HS6ST3: variants seen among roughly 807,000 people sequenced by gnomAD.
The protein encoded by HS6ST3 is heparan sulfate 6-O-sulfotransferase 3.
HS6ST3 carries 12 observed loss-of-function variants against 36.7 expected under a neutral mutation model. The ratio of observed to expected loss-of-function variants is 0.33; its 90% CI spans 0.21 to 0.53. The LOEUF (loss-of-function observed/expected upper bound fraction) is 0.53. HS6ST3 is among the 20% of genes least tolerant of loss of function. The probability of loss-of-function intolerance (pLI) is 0.95; values close to 1 mark genes in which losing one functional copy is unlikely to be tolerated. For missense variants in HS6ST3, 584 were observed against 640.9 expected (o/e 0.91, Z 0.96); for synonymous variants, 240 against 257.5 (o/e 0.93, Z 0.65).
intron 1 of HS6ST3, among the ~76,000 whole-genome samples, chr13:96,232,291 A>G (rs1004436155): frequency 2.8e-4 from 42 of 147,446 alleles, no homozygotes; most frequent in African/African-American, 9.2e-4. Flanking sequence ...TGAGGATCAG[A>G]GAAAGACAAA....
chr13:96,510,464 G>A (rs559240556), intron 1 of HS6ST3, among the ~76,000 whole-genome samples: 1 of 152,240 alleles, frequency 6.6e-6, no homozygotes, highest in African/African-American at 2.4e-5. Context: ...CTTCCAGCCT[G>A]GTGCTGGGGA....
chr13:96,158,240 C>T (rs2054119311), intron 1 of HS6ST3, among the ~76,000 whole-genome samples: 1 of 152,022 alleles, frequency 6.6e-6, no homozygotes, highest in Non-Finnish European at 1.5e-5. Context: ...AGTGCTAAGA[C>T]ATGAGGCTGT....
chr13:96,141,207 C>T (rs760561736), intron 1 of HS6ST3, among the ~76,000 whole-genome samples: 8 of 152,298 alleles, frequency 5.3e-5, no homozygotes, highest in Admixed American at 3.3e-4. Flanking sequence ...AGCTCGAAAC[C>T]TTGAAGGAAA....
At chr13:96,264,070 G>A (rs1028841584) in intron 1 of HS6ST3, among the ~76,000 whole-genome samples, 5 of 152,202 alleles carry the variant, frequency 3.3e-5, no homozygotes, top group Non-Finnish European at 7.3e-5. Flanking sequence ...AGGTATATGA[G>A]AATGTTGGAG....
intron 1 of HS6ST3, among the ~76,000 whole-genome samples, chr13:96,093,745 T>C (rs893870812): frequency 6.6e-6 from 1 of 152,086 alleles, no homozygotes; most frequent in Non-Finnish European, 1.5e-5. Context: ...TCAAAAGCTA[T>C]AGGGAAAAAG....
At chr13:96,812,956 C>G (rs565758048) in intron 1 of HS6ST3, among the ~76,000 whole-genome samples, 25 of 152,240 alleles carry the variant, frequency 1.6e-4, no homozygotes, top group African/African-American at 5.5e-4. Flanking sequence ...ATCATGAGAG[C>G]GTCTGAGGAC....
At chr13:96,656,955 TTGTG>T (rs754838881) in intron 1 of HS6ST3, among the ~76,000 whole-genome samples, 1,248 of 122,204 alleles carry the variant, frequency 0.01, 10 homozygotes, top group African/African-American at 0.015. Flanking sequence ...GGCTTTTCTT[TTGTG>T]TGTGTGTGTG....
chr13:96,659,307 T>G (rs1435172470), intron 1 of HS6ST3, among the ~76,000 whole-genome samples: 4 of 152,214 alleles, frequency 2.6e-5, no homozygotes, highest in Admixed American at 1.3e-4. Flanking sequence ...TTTGGATATT[T>G]TCTGTTGCAG....
chr13:96,780,895 A>G (rs1877508400), intron 1 of HS6ST3, among the ~76,000 whole-genome samples: 1 of 151,898 alleles, frequency 6.6e-6, no homozygotes, highest in Non-Finnish European at 1.5e-5. Context: ...CAGCCCAATC[A>G]AACAGCAGCA....
chr13:96,641,250 TC>T (rs1159323899), intron 1 of HS6ST3, among the ~76,000 whole-genome samples: 1 of 151,948 alleles, frequency 6.6e-6, no homozygotes, highest in East Asian at 1.9e-4. Flanking sequence ...TTAGATGTAT[TC>T]CTAGGTACTT....
intron 1 of HS6ST3, among the ~76,000 whole-genome samples, chr13:96,775,844 A>T (rs1303534110): frequency 2.6e-5 from 4 of 152,202 alleles, no homozygotes. Context: ...TGGACCTAAT[A>T]GACATTTACA....
At chr13:96,275,830 T>C (rs2054745366) in intron 1 of HS6ST3, among the ~76,000 whole-genome samples, 1 of 151,220 alleles carries the variant, frequency 6.6e-6, no homozygotes, top group Non-Finnish European at 1.5e-5. Context: ...CAAATGCCAG[T>C]ACCATTCTTC....
At chr13:96,646,069 T>C (rs1323824875) in intron 1 of HS6ST3, among the ~76,000 whole-genome samples, 2 of 151,940 alleles carry the variant, frequency 1.3e-5, no homozygotes, top group African/African-American at 4.8e-5. Flanking sequence ...TTTTCAAGTG[T>C]ACAAAGGAAG....
chr13:96,468,165 A>C (rs974454085), intron 1 of HS6ST3, among the ~76,000 whole-genome samples: 6 of 152,220 alleles, frequency 3.9e-5, no homozygotes, highest in African/African-American at 1.4e-4. Context: ...TTAGAATGCC[A>C]GAAATTGCTG....
intron 1 of HS6ST3, among the ~76,000 whole-genome samples, chr13:96,664,555 T>C (rs1298314126): frequency 6.6e-6 from 1 of 152,154 alleles, no homozygotes; most frequent in Non-Finnish European, 1.5e-5. Context: ...TCTCCAATAC[T>C]CTACACTCAG....
At chr13:96,633,268 C>A (rs946443669) in intron 1 of HS6ST3, among the ~76,000 whole-genome samples, 1 of 152,144 alleles carries the variant, frequency 6.6e-6, no homozygotes, top group Admixed American at 6.5e-5. Flanking sequence ...TGAAGAGCAA[C>A]TGCAGAAACA....
rs1254997651 is a variant in HS6ST3 at position 96,835,505 on chromosome 13, C to G, written c.*2307C>G. Reference sequence around the variant, plus strand: ...GATTGCAGCTGGGATTAATGTTCGTCTCTCTCTCTCTCTCTCTCTAGCTTC... The same window carrying G: ...GATTGCAGCTGGGATTAATGTTCGTGTCTCTCTCTCTCTCTCTCTAGCTTC... On this transcript the variant is annotated 3_prime_UTR_variant, in exon 2 of 2. Transcript: ENST00000376705. The G allele has an allele frequency of 6.8e-6, 1 of 147,184 alleles. No individual in the cohort carries two copies. The highest frequency in any genetic ancestry group is 1.5e-5 in the Non-Finnish European group (1 of 66,428). The allele number at this position is 147,184 out of a possible 1,614,324, so 9.1% of individuals were successfully genotyped here.
intron 1 of HS6ST3, among the ~76,000 whole-genome samples, chr13:96,357,995 C>CA (rs997305121): frequency 5.3e-5 from 8 of 151,984 alleles, no homozygotes; most frequent in African/African-American, 1.9e-4. Flanking sequence ...GGTGCTGTTA[C>CA]AAAAATGATG....
At chr13:96,747,586 T>C (rs1876591703) in intron 1 of HS6ST3, among the ~76,000 whole-genome samples, 1 of 152,136 alleles carries the variant, frequency 6.6e-6, no homozygotes, top group Non-Finnish European at 1.5e-5. Context: ...TTTGTAACTT[T>C]ACAACTAATA....
Sources: allele counts gnomAD v4.1 joint callset (sites outside exome capture counted in the v4.1 genomes callset), GRCh38; gene constraint gnomAD v4.1.1; transcripts MANE v1.5; gene names NCBI Gene and HGNC (gene_info 2026-07-23, HGNC 2026-07-21).